Variants in MED14 observed in about 807,000 individuals in gnomAD.
The protein encoded by MED14 is mediator complex subunit 14, also known as mediator of RNA polymerase II transcription subunit 14.
Under a neutral mutation model 109.0 loss-of-function variants are expected in MED14, and 8 were observed. That is an observed-to-expected ratio of 0.07 (90% CI 0.04 to 0.13). The LOEUF (loss-of-function observed/expected upper bound fraction) is 0.13. Among genes scored for constraint, MED14 ranks in the 10% least tolerant of loss-of-function variants. MED14 has a pLI of 1.00. For missense variants in MED14, 711 were observed against 1,142.4 expected, an observed-to-expected ratio of 0.62 and a Z score of 5.44; for synonymous variants, 399 against 408.7, an observed-to-expected ratio of 0.98 and a Z score of 0.29.
intron 22 of MED14, among the ~76,000 whole-genome samples, chrX:40,674,044 G>T (rs1235539210): frequency 1.8e-5 from 2 of 110,776 alleles, no homozygotes; most frequent in Non-Finnish European, 3.8e-5. Flanking sequence ...ATCAGGTACA[G>T]GAAAGATTGA....
chrX:40,680,334 A>C lies in MED14; in HGVS notation c.2611-201T>G, dbSNP rs770400454. Among the ~76,000 whole-genome samples the C allele has an allele frequency of 5.4e-5, 6 of 111,705 alleles. No individual in the cohort carries two copies. In the South Asian group the frequency reaches 2.2e-3, roughly 41 times the overall value. On this transcript the variant is annotated intron_variant, in intron 20 of 30. Coordinates refer to ENST00000324817, the MANE Select transcript of MED14 (RefSeq NM_004229.4). ...TCTCAAAGAAGTGTTCAAGATATAA[A>C]AGACAAAATTATCAGCCTTAGTCAT...
At chrX:40,661,542 G>C (rs762650877) in intron 26 of MED14, among the ~76,000 whole-genome samples, 4 of 112,582 alleles carry the variant, frequency 3.6e-5, no homozygotes, top group Non-Finnish European at 7.5e-5. Context: ...TACCTCATTA[G>C]CACATGCATC....
At chrX:40,665,822 G>A (rs1929458681) in intron 24 of MED14, among the ~76,000 whole-genome samples, 1 of 111,874 alleles carries the variant, frequency 8.9e-6, no homozygotes, top group Non-Finnish European at 1.9e-5. Flanking sequence ...CTTACTTAAG[G>A]AAATAATCAT....
chrX:40,701,387 T>C (rs185994531), intron 11 of MED14, 144 bp from the exon 12 acceptor site: 6 of 413,575 alleles, frequency 1.5e-5, no homozygotes, highest in Middle Eastern at 6.9e-4. Context: ...AAAATTAAAC[T>C]AAATGTACCA....
In MED14 at chrX:40,651,938, C is replaced by T. The variant is rs888943485; in HGVS notation, c.4292-59G>A. ...CAACACAGGAAAGATGTTAACACAC[C>T]GGTAAGGGAAGGGGTAATTAAATCT... On this transcript the variant is annotated intron_variant, in intron 30 of 30. Transcript: ENST00000324817. 5 of 1,090,467 alleles carry T rather than the reference C, an allele frequency of 4.6e-6. No individual in the cohort carries two copies. In the South Asian group the frequency reaches 7.5e-5, roughly 16 times the overall value. 89.9% of individuals were successfully genotyped at this position (1,090,467 alleles called of 1,213,427 possible).
chrX:40,671,785 G>A (rs1929737768), intron 23 of MED14, 76 bp downstream of exon 23: 1 of 618,739 alleles, frequency 1.6e-6, no homozygotes, highest in Non-Finnish European at 2.6e-6. Context: ...GATGCACAGT[G>A]CTTCTCAATG....
rs1464889700 is a variant in MED14 at position 40,648,595 on chromosome X, G to C, written c.*3211C>G. On this transcript the variant is annotated 3_prime_UTR_variant, in exon 31 of 31. Transcript: ENST00000324817. The stretch of plus-strand genomic sequence containing the variant: ...AACCTACCACATTGGGTTGTTGTGA[G>C]GATTAAATACACATTGAAATATTAA... The C allele has an allele frequency of 8.9e-6, 1 of 112,355 alleles. No homozygotes were observed. The highest frequency in any genetic ancestry group is 1.9e-5 in the Non-Finnish European group (1 of 53,222). 9.3% of individuals were successfully genotyped at this position (112,355 alleles called of 1,213,427 possible).
chrX:40,712,543 A>G (rs1380403639), intron 6 of MED14, among the ~76,000 whole-genome samples: 1 of 111,261 alleles, frequency 9.0e-6, no homozygotes. Context: ...GAATATATAT[A>G]TAGAGAGACA....
At chrX:40,680,562 G>T (rs893538782) in intron 20 of MED14, among the ~76,000 whole-genome samples, 196 bp downstream of exon 20, 1 of 111,045 alleles carries the variant, frequency 9.0e-6, no homozygotes, top group African/African-American at 3.3e-5. Flanking sequence ...GGGACTACAG[G>T]CGTGCATCGC....
chrX:40,669,742 T>C (rs1929649094), intron 23 of MED14, among the ~76,000 whole-genome samples: 1 of 111,741 alleles, frequency 8.9e-6, no homozygotes, highest in East Asian at 2.8e-4. Flanking sequence ...GAGTCTACCA[T>C]CTTCTGGAAG....
chrX:40,688,436 CAT>C lies in MED14; in HGVS notation c.2057+16_2057+17del. 2 of 1,164,840 alleles carry C rather than the reference CAT, an allele frequency of 1.7e-6. No individual in the cohort carries two copies. The highest frequency in any genetic ancestry group is 2.3e-6 in the Non-Finnish European group (2 of 853,282). On this transcript the variant is annotated intron_variant, in intron 16 of 30. Transcript: ENST00000324817. Reference sequence around the variant, plus strand: ...CTGCAACATGTGGCACCAAGTGAAACATATGACAGGGGCTTACTTTAATAAGC... The same window carrying C: ...CTGCAACATGTGGCACCAAGTGAAACATGACAGGGGCTTACTTTAATAAGC...
At chrX:40,664,199 G>C in intron 25 of MED14, 108 bp downstream of exon 25, 1 of 706,884 alleles carries the variant, frequency 1.4e-6, no homozygotes, top group Non-Finnish European at 2.1e-6. Context: ...TATCCTTTAA[G>C]TATCCTCTCT....
At chrX:40,694,350 C>T (rs887458951) in intron 13 of MED14, among the ~76,000 whole-genome samples, 1 of 111,623 alleles carries the variant, frequency 9.0e-6, no homozygotes, top group African/African-American at 3.3e-5. Flanking sequence ...CTTACTGTTT[C>T]CAAGGTCTAG....
At chrX:40,700,678 T>G (rs1333128315) in intron 12 of MED14, among the ~76,000 whole-genome samples, 1 of 111,522 alleles carries the variant, frequency 9.0e-6, no homozygotes, top group Non-Finnish European at 1.9e-5. Context: ...CACAGAATTA[T>G]ATCTAGCTCC....
At chrX:40,712,776 C>A in intron 6 of MED14, 138 bp downstream of exon 6, 1 of 573,673 alleles carries the variant, frequency 1.7e-6, no homozygotes, top group Non-Finnish European at 2.6e-6. Flanking sequence ...TGAGCTCAAG[C>A]GATCCACCTG....
At chrX:40,676,135 T>C (rs1212876880) in intron 21 of MED14, among the ~76,000 whole-genome samples, 1 of 110,931 alleles carries the variant, frequency 9.0e-6, no homozygotes, top group Admixed American at 9.6e-5. Context: ...AATAGAAAAA[T>C]CAGCCAGGCA....
intron 7 of MED14, 98 bp downstream of exon 7, chrX:40,712,088 T>C (rs1395235879): frequency 3.5e-6 from 2 of 565,923 alleles, no homozygotes; most frequent in Non-Finnish European, 5.7e-6. Context: ...GGGCAAGGAA[T>C]GTAGGCTGCT....
At position 40,697,069 on chromosome X, in the gene MED14, C is replaced by G; in HGVS notation, c.1605G>C (p.Lys535Asn). The G allele has an allele frequency of 8.3e-7, 1 of 1,200,815 alleles. No individual in the cohort carries two copies. Among genetic ancestry groups the G allele is most frequent in the African/African-American group, 1.7e-5 (1 of 57,520 alleles). ...GGGTAAGTTTAATGAACAGTTTATT[C>G]TTAGAAAGGTTTCCAATAGGATGAG... ...YSTHPIGNLS[K>N]NKLFIKLTRL... Residue 535 changes from lysine (K) to asparagine (N), a missense_variant, in exon 13 of 31, where the codon AAG becomes AAC. By Grantham distance (94) the Lys-to-Asn change is moderately conservative. This residue lies in a region of MED14 where 388 missense variants were observed against 517.3 expected (regional missense o/e 0.75). Coordinates refer to ENST00000324817, the MANE Select transcript of MED14 (RefSeq NM_004229.4).
At position 40,664,345 on chromosome X, in the gene MED14, G is replaced by A. The variant is rs758720170; in HGVS notation, c.3410C>T (p.Pro1137Leu). 2 of 1,203,109 alleles carry A rather than the reference G, an allele frequency of 1.7e-6. No homozygotes were observed. Among genetic ancestry groups the A allele is most frequent in the South Asian group, 1.8e-5 (1 of 55,237 alleles). Residue 1137 changes from proline (P) to leucine (L), a missense_variant, in exon 25 of 31, where the codon CCG becomes CTG. Around this residue, in one of 8 missense-constraint regions of MED14, gnomAD observed 100 missense variants for 147.5 expected, o/e 0.68. Coordinates refer to ENST00000324817, the MANE Select transcript of MED14 (RefSeq NM_004229.4). ...MSPANPSLHS[P>L]VPDASHSPRA... ...AGGGGAATGAGAAGCATCTGGAACC[G>A]GAGAATGTAGTGAGGGGTTGGCTGG...
Sources: gnomAD v4.1 joint callset for allele counts (sites outside exome capture counted in the v4.1 genomes callset) on GRCh38, gnomAD v4.1.1 for gene constraint, gnomAD v4.1.1 regional missense constraint, MANE v1.5 for transcripts, NCBI Gene and HGNC (gene_info 2026-07-23, HGNC 2026-07-21) for gene names.